The following MOS variants were observed in gnomAD, a reference collection of about 807,000 sequenced individuals.
The protein encoded by MOS is MOS proto-oncogene, serine/threonine kinase.
For missense variants in MOS, 419 were observed against 459.6 expected (o/e 0.91, Z 0.81); for synonymous variants, 190 against 205.2 (o/e 0.93, Z 0.63).
chr8:56,113,530 G>A lies in MOS; in HGVS notation c.453C>T (p.Ile151=), dbSNP rs956068265. 1 of 1,613,982 alleles carries A rather than the reference G, an allele frequency of 6.2e-7. No homozygotes were observed. Among genetic ancestry groups the A allele is most frequent in the Non-Finnish European group, 8.5e-7 (1 of 1,179,972 alleles). The change falls in exon 1 of 1, where the codon ATC becomes ATT. Residue 151 remains isoleucine (I), a synonymous_variant. Transcript: ENST00000311923. This position sits in a 1 kb window ranked among gnomAD's most constrained non-coding sequence, Gnocchi z 5.7. ...CCTCAGGGTGGCCGGCGGCGCCATA[G>A]ATGACTTGGTGTAAAGTGACGTTGC... The part of the protein sequence containing the change: ...FGGNVTLHQV[I]YGAAGHPEGD...
At position 56,113,536 on chromosome 8, in the gene MOS, T is replaced by C. The variant is rs564318673; in HGVS notation, c.447A>G (p.Gln149=). 3 of 1,613,910 alleles carry C rather than the reference T, an allele frequency of 1.9e-6. 1 individual carries two copies. In the Admixed American group the frequency reaches 5.0e-5, roughly 27 times the overall value. The change falls in exon 1 of 1, where the codon CAA becomes CAG. Residue 149 remains glutamine (Q), a synonymous_variant. Transcript: ENST00000311923. This position sits in a 1 kb window ranked among gnomAD's most constrained non-coding sequence, Gnocchi z 5.7. ...GGTGGCCGGCGGCGCCATAGATGAC[T>C]TGGTGTAAAGTGACGTTGCCACCGA... ...MEFGGNVTLH[Q]VIYGAAGHPE... is the part of the protein sequence containing the mutation.
chr8:56,113,929 C>T lies in MOS; in HGVS notation c.54G>A (p.Ser18=), dbSNP rs554770660. 6 of 1,578,066 alleles carry T rather than the reference C, an allele frequency of 3.8e-6. No individual in the cohort carries two copies. In the South Asian group the frequency reaches 4.7e-5, roughly 12 times the overall value. Residue 18 remains serine, a synonymous_variant, in exon 1 of 1, where the codon TCG becomes TCA. Transcript: ENST00000311923. The surrounding 1 kb of genome is among the most constrained non-coding windows in gnomAD (Gnocchi z 5.7). The part of the protein sequence containing the change: ...RPYLRSEFSP[S]VDARPCSSPS... ...GACTGCTGCAGGGCCGCGCGTCCAC[C>T]GATGGGGAAAACTCGCTCCGGAGGT...
rs747661183 is a variant in MOS, at chr8:56,113,135, CG to C, written c.847del (p.Arg283GlyfsTer59). The C allele has an allele frequency of 9.3e-6, 15 of 1,613,936 alleles. No homozygotes were observed. The highest frequency in any genetic ancestry group is 1.3e-5 in the African/African-American group (1 of 74,942). ...CACCACCGCGTACAGTATGTGCTGC[CG>C]CTCCCCCGAATACGGCGCCTGCTTG... ...TTKQAPYSGE[R>X]QHILYAVVAY... is the part of the protein sequence containing the mutation. On this transcript the variant is annotated frameshift_variant, in exon 1 of 1. Transcript: ENST00000311923. LOFTEE classifies it low-confidence loss of function (END_TRUNC). The surrounding 1 kb of genome is among the most constrained non-coding windows in gnomAD (Gnocchi z 5.7).
rs776370431 is a variant in MOS at position 56,112,978 on chromosome 8, C to A, written c.1005G>T (p.Leu335Phe). Residue 335 changes from leucine (L) to phenylalanine (F), a missense_variant, in exon 1 of 1, where the codon TTG (leucine) becomes TTT (phenylalanine). Coordinates refer to ENST00000311923, the MANE Select transcript of MOS (RefSeq NM_005372.1). ...CAGCTTTCAAAGAGGTGAGATCCACCAAAAGCAGCCGCGCGCTCGGCCTCT... is the reference window on the plus strand; with the variant it reads ...CAGCTTTCAAAGAGGTGAGATCCACAAAAAGCAGCCGCGCGCTCGGCCTCT... ...AAQRPSARLL[L>F]VDLTSLKAEL... 34 of 1,573,126 alleles carry A rather than the reference C, an allele frequency of 2.2e-5. No homozygotes were observed. The highest frequency in any genetic ancestry group is 2.8e-5 in the Non-Finnish European group (32 of 1,161,268).
rs1810524718 is a variant in MOS at position 56,113,353 on chromosome 8, A to C, written c.630T>G (p.Ser210Arg). The C allele has an allele frequency of 6.2e-7, 1 of 1,614,012 alleles. No individual in the cohort carries two copies. The highest frequency in any genetic ancestry group is 8.5e-7 in the Non-Finnish European group (1 of 1,180,048). ...CACTAATTTTACAGACATCCTGCTC[A>C]CTGATCAAGATGTTCGCGGGCTTCA... ...LDLKPANILI[S>R]EQDVCKISDF... The change falls in exon 1 of 1, where the codon AGT becomes AGG. Residue 210 changes from serine (S) to arginine (R), a missense_variant. Transcript: ENST00000311923. This position sits in a 1 kb window ranked among gnomAD's most constrained non-coding sequence, Gnocchi z 5.7.
At position 56,113,661 on chromosome 8, in the gene MOS, TG is replaced by T; in HGVS notation, c.321del (p.Asn108ThrfsTer2). On this transcript the variant is annotated frameshift_variant, in exon 1 of 1. Transcript: ENST00000311923. LOFTEE classifies it low-confidence loss of function (END_TRUNC). This position sits in a 1 kb window ranked among gnomAD's most constrained non-coding sequence, Gnocchi z 5.7. ...TTATCGTGGCGCAGCCTTGCTACGT[TG>T]AGCTCAGCCCAGAAACTCCGCCGAG... ...LASRRSFWAELNVARLRHDNI... is the reference protein window; with the variant it reads ...LASRRSFWAEXNVARLRHDNI... 2 of 1,613,896 alleles carry T rather than the reference TG, an allele frequency of 1.2e-6. No homozygotes were observed. The highest frequency in any genetic ancestry group is 1.7e-6 in the Non-Finnish European group (2 of 1,179,926).
chr8:56,113,862 G>A lies in MOS; in HGVS notation c.121C>T (p.Pro41Ser). 1.9e-6 allele frequency: 3 copies of A among 1,606,760 alleles called. No homozygotes were observed. Among genetic ancestry groups the A allele is most frequent in the Non-Finnish European group, 2.5e-6 (3 of 1,178,408 alleles). The change falls in exon 1 of 1, where the codon CCT becomes TCT. Residue 41 changes from proline to serine, a missense_variant. By Grantham distance (74) the Pro-to-Ser change is moderately conservative (BLOSUM62 -1). Coordinates refer to ENST00000311923, the MANE Select transcript of MOS (RefSeq NM_005372.1). The surrounding 1 kb of genome is among the most constrained non-coding windows in gnomAD (Gnocchi z 5.7). ...CGGCGCGGCAGCCGCGGGGCCCGAG[G>A]AAGAGTGGCCCCCAGAAGCAGCTTC... is the stretch of plus-strand genomic sequence containing the variant. Reference protein sequence around the residue: ...PAKLLLGATLPRAPRLPRRLA... With the variant: ...PAKLLLGATLSRAPRLPRRLA...
At position 56,113,803 on chromosome 8, in the gene MOS, C is replaced by T. The variant is rs774049941; in HGVS notation, c.180G>A (p.Val60=). The change falls in exon 1 of 1, where the codon GTG becomes GTA. Residue 60 remains valine, a synonymous_variant. Coordinates refer to ENST00000311923, the MANE Select transcript of MOS (RefSeq NM_005372.1). This position sits in a 1 kb window ranked among gnomAD's most constrained non-coding sequence, Gnocchi z 5.7. ...CAGCTCCCAGCCTCTGCAGCAAGCA[C>T]ACCTGCTCCCAGTCAATGGAGCACC... is the stretch of plus-strand genomic sequence containing the variant. The part of the protein sequence containing the change: ...LAWCSIDWEQ[V]CLLQRLGAGG... The T allele has an allele frequency of 6.2e-7, 1 of 1,613,372 alleles. No homozygotes were observed. The highest frequency in any genetic ancestry group is 1.1e-5 in the South Asian group (1 of 90,982).
Position 56,113,572 on chromosome 8 carries a change from G to A in MOS, c.411C>T (p.Ile137=). The change falls in exon 1 of 1, where the codon ATC becomes ATT. Residue 137 remains isoleucine (I), a synonymous_variant. Coordinates refer to ENST00000311923, the MANE Select transcript of MOS (RefSeq NM_005372.1). The surrounding 1 kb of genome is among the most constrained non-coding windows in gnomAD (Gnocchi z 5.7). ...TPAGSNSLGT[I]IMEFGGNVTL... ...TGACGTTGCCACCGAACTCCATGATGATGGTCCCTAGGCTATTGGACCCTG... is the reference window on the plus strand; with the variant it reads ...TGACGTTGCCACCGAACTCCATGATAATGGTCCCTAGGCTATTGGACCCTG... The A allele has an allele frequency of 6.2e-7, 1 of 1,613,922 alleles. No individual in the cohort carries two copies. The highest frequency in any genetic ancestry group is 8.5e-7 in the Non-Finnish European group (1 of 1,179,972).
At position 56,113,499 on chromosome 8, in the gene MOS, C is replaced by T; in HGVS notation, c.484G>A (p.Ala162Thr). Residue 162 changes from alanine (A) to threonine (T), a missense_variant, in exon 1 of 1, where the codon GCA becomes ACA. Ala to Thr is a moderately conservative substitution (Grantham distance 58). Transcript: ENST00000311923. The surrounding 1 kb of genome is among the most constrained non-coding windows in gnomAD (Gnocchi z 5.7). ...YGAAGHPEGDAGEPHCRTGGQ... is the reference protein window; with the variant it reads ...YGAAGHPEGDTGEPHCRTGGQ... ...CCAGTGCGGCAGTGAGGCTCCCCTGCGTCCCCCTCAGGGTGGCCGGCGGCG... is the reference window on the plus strand; with the variant it reads ...CCAGTGCGGCAGTGAGGCTCCCCTGTGTCCCCCTCAGGGTGGCCGGCGGCG... 2 of 1,614,024 alleles carry T rather than the reference C, an allele frequency of 1.2e-6. No individual in the cohort carries two copies. The highest frequency in any genetic ancestry group is 1.7e-6 in the Non-Finnish European group (2 of 1,179,984).
chr8:56,113,921 G>C lies in MOS; in HGVS notation c.62C>G (p.Ala21Gly), dbSNP rs1040478986. 2 of 1,579,970 alleles carry C rather than the reference G, an allele frequency of 1.3e-6. No homozygotes were observed. Among genetic ancestry groups the C allele is most frequent in the Admixed American group, 2.1e-5 (1 of 47,800 alleles). Residue 21 changes from alanine (A) to glycine (G), a missense_variant, in exon 1 of 1, where the codon GCG (alanine) becomes GGG (glycine). Ala to Gly is a moderately conservative substitution (Grantham distance 60). Transcript: ENST00000311923. The surrounding 1 kb of genome is among the most constrained non-coding windows in gnomAD (Gnocchi z 5.7). ...CTCTGAGGGACTGCTGCAGGGCCGC[G>C]CGTCCACCGATGGGGAAAACTCGCT... is the stretch of plus-strand genomic sequence containing the variant. ...LRSEFSPSVD[A>G]RPCSSPSELP... is the part of the protein sequence containing the mutation.
chr8:56,113,878 A>G lies in MOS; in HGVS notation c.105T>C (p.Leu35=), dbSNP rs1563358101. ...GGGCCCGAGGAAGAGTGGCCCCCAG[A>G]AGCAGCTTCGCAGGTAGCTCTGAGG... is the stretch of plus-strand genomic sequence containing the variant. The part of the protein sequence containing the change: ...SSPSELPAKL[L]LGATLPRAPR... Residue 35 remains leucine, a synonymous_variant, in exon 1 of 1, where the codon CTT becomes CTC. Transcript: ENST00000311923. The surrounding 1 kb of genome is among the most constrained non-coding windows in gnomAD (Gnocchi z 5.7). The G allele has an allele frequency of 6.2e-7, 1 of 1,600,354 alleles. No homozygotes were observed. The highest frequency in any genetic ancestry group is 1.1e-5 in the South Asian group (1 of 89,552).
chr8:56,113,925 C>G lies in MOS; in HGVS notation c.58G>C (p.Asp20His). ...GAGGGACTGCTGCAGGGCCGCGCGT[C>G]CACCGATGGGGAAAACTCGCTCCGG... is the stretch of plus-strand genomic sequence containing the variant. ...YLRSEFSPSVDARPCSSPSEL... is the reference protein window; with the variant it reads ...YLRSEFSPSVHARPCSSPSEL... The change falls in exon 1 of 1, where the codon GAC becomes CAC. Residue 20 changes from aspartate (D) to histidine (H), a missense_variant. Coordinates refer to ENST00000311923, the MANE Select transcript of MOS (RefSeq NM_005372.1). This position sits in a 1 kb window ranked among gnomAD's most constrained non-coding sequence, Gnocchi z 5.7. 11 of 1,579,410 alleles carry G rather than the reference C, an allele frequency of 7.0e-6. No homozygotes were observed. Among genetic ancestry groups the G allele is most frequent in the Non-Finnish European group, 9.4e-6 (11 of 1,170,070 alleles).
chr8:56,113,945 C>A lies in MOS; in HGVS notation c.38G>T (p.Ser13Ile). ...SPLALRPYLR[S>I]EFSPSVDARP... ...CGCGTCCACCGATGGGGAAAACTCG[C>A]TCCGGAGGTAGGGGCGTAGGGCCAG... Residue 13 changes from serine to isoleucine, a missense_variant, in exon 1 of 1, where the codon AGC becomes ATC. Ser to Ile is a moderately radical substitution (Grantham distance 142). Transcript: ENST00000311923. The surrounding 1 kb of genome is among the most constrained non-coding windows in gnomAD (Gnocchi z 5.7). The A allele has an allele frequency of 1.3e-6, 2 of 1,575,358 alleles. No individual in the cohort carries two copies. The highest frequency in any genetic ancestry group is 2.2e-5 in the East Asian group (1 of 44,672).
chr8:56,113,054 C>A lies in MOS; in HGVS notation c.929G>T (p.Gly310Val). 6.2e-7 allele frequency: 1 copy of A among 1,601,304 alleles called. No homozygotes were observed. The highest frequency in any genetic ancestry group is 1.3e-5 in the African/African-American group (1 of 74,490). ...SAAVFEDSLP[G>V]QRLGDVIQRC... is the part of the protein sequence containing the mutation. Reference sequence around the variant, plus strand: ...CTGGATGACGTCCCCAAGGCGCTGCCCGGGGAGCGAGTCCTCGAAGACGGC... The same window carrying A: ...CTGGATGACGTCCCCAAGGCGCTGCACGGGGAGCGAGTCCTCGAAGACGGC... Residue 310 changes from glycine to valine, a missense_variant, in exon 1 of 1, where the codon GGG becomes GTG. Coordinates refer to ENST00000311923, the MANE Select transcript of MOS (RefSeq NM_005372.1). The surrounding 1 kb of genome is among the most constrained non-coding windows in gnomAD (Gnocchi z 5.7).
rs1420953404 is a variant in MOS, at chr8:56,113,289, A to G, written c.694T>C (p.Phe232Leu). The change falls in exon 1 of 1, where the codon TTC (phenylalanine) becomes CTC (leucine). Residue 232 changes from phenylalanine to leucine, a missense_variant. Coordinates refer to ENST00000311923, the MANE Select transcript of MOS (RefSeq NM_005372.1). The surrounding 1 kb of genome is among the most constrained non-coding windows in gnomAD (Gnocchi z 5.7). ...CCTAGAGGGTAAGAGGGTGTCTGGA[A>G]GCACAGCAGATCTTCCAACTTCTCA... Reference protein sequence around the residue: ...CSEKLEDLLCFQTPSYPLGGT... With the variant: ...CSEKLEDLLCLQTPSYPLGGT... 7 of 1,613,940 alleles carry G rather than the reference A, an allele frequency of 4.3e-6. No individual in the cohort carries two copies. Among genetic ancestry groups the G allele is most frequent in the Non-Finnish European group, 5.9e-6 (7 of 1,180,022 alleles).
rs1194288942 is a variant in MOS at position 56,113,130 on chromosome 8, G to A, written c.853C>T (p.His285Tyr). The A allele has an allele frequency of 1.2e-6, 2 of 1,614,036 alleles. No individual in the cohort carries two copies. The highest frequency in any genetic ancestry group is 8.5e-7 in the Non-Finnish European group (1 of 1,180,012). Residue 285 changes from histidine (H) to tyrosine (Y), a missense_variant, in exon 1 of 1, where the codon CAC becomes TAC. His to Tyr is a moderately conservative substitution (Grantham distance 83). Coordinates refer to ENST00000311923, the MANE Select transcript of MOS (RefSeq NM_005372.1). The surrounding 1 kb of genome is among the most constrained non-coding windows in gnomAD (Gnocchi z 5.7). ...TAGGCCACCACCGCGTACAGTATGT[G>A]CTGCCGCTCCCCCGAATACGGCGCC... ...KQAPYSGERQHILYAVVAYDL... is the reference protein window; with the variant it reads ...KQAPYSGERQYILYAVVAYDL...
Position 56,113,233 on chromosome 8 carries a change from G to A in MOS, c.750C>T (p.Leu250=), listed in dbSNP as rs754498876. The change falls in exon 1 of 1, where the codon CTC becomes CTT. Residue 250 remains leucine, a synonymous_variant. Transcript: ENST00000311923. The surrounding 1 kb of genome is among the most constrained non-coding windows in gnomAD (Gnocchi z 5.7). ...TAGGCGTCACGCCCTCTCCTTTCAG[G>A]AGCTCCGGGGCGCGGTGGGTGTATG... ...GGTYTHRAPE[L]LKGEGVTPKA... The A allele has an allele frequency of 1.2e-5, 20 of 1,613,934 alleles. No individual in the cohort carries two copies. The highest frequency in any genetic ancestry group is 8.8e-5 in the South Asian group (8 of 91,084).
Position 56,113,106 on chromosome 8 carries a change from A to G in MOS, c.877T>C (p.Tyr293His). The change falls in exon 1 of 1, where the codon TAC becomes CAC. Residue 293 changes from tyrosine to histidine, a missense_variant. Physicochemically the swap from Tyr to His is moderately conservative, Grantham distance 83 (BLOSUM62 2). Coordinates refer to ENST00000311923, the MANE Select transcript of MOS (RefSeq NM_005372.1). The surrounding 1 kb of genome is among the most constrained non-coding windows in gnomAD (Gnocchi z 5.7). ...GCGGAGAGGGACGGGCGCAGGTCGT[A>G]GGCCACCACCGCGTACAGTATGTGC... is the stretch of plus-strand genomic sequence containing the variant. ...RQHILYAVVA[Y>H]DLRPSLSAAV... The G allele has an allele frequency of 6.2e-7, 1 of 1,612,740 alleles. No individual in the cohort carries two copies. Among genetic ancestry groups the G allele is most frequent in the Non-Finnish European group, 8.5e-7 (1 of 1,179,478 alleles).
Sources: gnomAD v4.1 joint callset for allele counts on GRCh38, gnomAD v4.1.1 for gene constraint, Gnocchi (gnomAD v3.1) non-coding constraint, MANE v1.5 for transcripts, NCBI Gene and HGNC (gene_info 2026-07-23, HGNC 2026-07-21) for gene names.